SPTBN5: variants seen among roughly 807,000 people sequenced by gnomAD.
The protein encoded by SPTBN5 is spectrin beta chain, non-erythrocytic 5.
A neutral mutation model predicts 477.6 loss-of-function variants in SPTBN5; 513 were observed. The ratio of observed to expected loss-of-function variants is 1.07; its 90% CI spans 1.00 to 1.16. The LOEUF is 1.16. Among genes scored for constraint, SPTBN5 ranks in the 50% most tolerant of loss-of-function variants. SPTBN5 has a pLI of 0.00. For synonymous variants in SPTBN5, 2,169 were observed against 2,011.7 expected (o/e 1.08, Z -2.09); for missense variants, 5,062 against 4,731.8 (o/e 1.07, Z -2.05).
At chr15:41,887,627 G>A (rs2067196767) in intron 5 of SPTBN5, among the ~76,000 whole-genome samples, 186 bp from the exon 6 acceptor site, 1 of 152,210 alleles carries the variant, frequency 6.6e-6, no homozygotes, top group Non-Finnish European at 1.5e-5. Flanking sequence ...AGTTCATTCG[G>A]CACAGGGACC....
In SPTBN5 at chr15:41,888,007, A is replaced by G. The variant is rs1432766312; in HGVS notation, c.580T>C (p.Tyr194His). 2 of 1,600,394 alleles carry G rather than the reference A, an allele frequency of 1.2e-6. No individual in the cohort carries two copies. The highest frequency in any genetic ancestry group is 2.7e-5 in the African/African-American group (2 of 74,876). ...LVWCQRKTAS[Y>H]TNVNITDFSR... ...AAATCTGTAATGTTCACGTTGGTGT[A>G]GCTGGCTGTCTTCCGCTGGCACCAG... The change falls in exon 5 of 68, where the codon TAC becomes CAC. Residue 194 changes from tyrosine to histidine, a missense_variant. By Grantham distance (83) the Tyr-to-His change is moderately conservative. Transcript: ENST00000320955.
intron 66 of SPTBN5, 69 bp downstream of exon 66, chr15:41,850,785 A>G (rs1014831356): frequency 1.5e-6 from 2 of 1,370,936 alleles, no homozygotes; most frequent in Admixed American, 2.4e-5. Context: ...TGCATAAAAC[A>G]CTAGGGGCCC....
intron 7 of SPTBN5, among the ~76,000 whole-genome samples, chr15:41,884,877 C>G (rs753735282): frequency 6.6e-6 from 1 of 152,182 alleles, no homozygotes; most frequent in Non-Finnish European, 1.5e-5. Flanking sequence ...CTGCATTTGC[C>G]GTTTCCTCCG....
At chr15:41,880,574 C>T (rs1475457438) in intron 13 of SPTBN5, among the ~76,000 whole-genome samples, 1 of 152,222 alleles carries the variant, frequency 6.6e-6, no homozygotes, top group Non-Finnish European at 1.5e-5. Flanking sequence ...CTGCTGAAAC[C>T]TCTCAGTGCC....
rs1308694443 is a variant in SPTBN5, at chr15:41,851,738, A to C, written c.10656+41T>G. ...CTTCGAGCCACTCAAGTGCTGCTGCAAGTGGGGAGCTGCCTGGAGAAGGAA... is the reference window on the plus strand; with the variant it reads ...CTTCGAGCCACTCAAGTGCTGCTGCCAGTGGGGAGCTGCCTGGAGAAGGAA... On this transcript the variant is annotated intron_variant, in intron 63 of 67. Coordinates refer to ENST00000320955, the MANE Select transcript of SPTBN5 (RefSeq NM_016642.4). 2.0e-6 allele frequency: 3 copies of C among 1,508,530 alleles called. No individual in the cohort carries two copies. The East Asian group carries it at 6.8e-5, about 34-fold the overall frequency. The allele number at this position is 1,508,530 out of a possible 1,614,324, so 93.4% of individuals were successfully genotyped here.
In SPTBN5 at chr15:41,872,294, G is replaced by A. The variant is rs1595481541; in HGVS notation, c.5165+8C>T. Reference sequence around the variant, plus strand: ...ACCCACTGATGAGAGGGGTTATGGTGTCCTCACCGTGTGGCCGCCAACTCC... The same window carrying A: ...ACCCACTGATGAGAGGGGTTATGGTATCCTCACCGTGTGGCCGCCAACTCC... On this transcript the variant is annotated splice_region_variant and intron_variant, in intron 27 of 67. Coordinates refer to ENST00000320955, the MANE Select transcript of SPTBN5 (RefSeq NM_016642.4). 6.2e-7 allele frequency: 1 copy of A among 1,609,236 alleles called. No homozygotes were observed. Among genetic ancestry groups the A allele is most frequent in the Non-Finnish European group, 8.5e-7 (1 of 1,178,830 alleles).
At chr15:41,880,964 C>T in intron 13 of SPTBN5, 70 bp downstream of exon 13, 1 of 1,380,330 alleles carries the variant, frequency 7.2e-7, no homozygotes, top group South Asian at 1.3e-5. Context: ...GCCTTGTCCC[C>T]TGGGATCACT....
chr15:41,860,970 G>A (rs977706103), intron 46 of SPTBN5, among the ~76,000 whole-genome samples: 1 of 152,392 alleles, frequency 6.6e-6, no homozygotes, highest in African/African-American at 2.4e-5. Flanking sequence ...TCAAGAGCCA[G>A]AATCTCTGAG....
In SPTBN5 at chr15:41,871,535, G is replaced by A; in HGVS notation, c.5302-15C>T. ...GTGCAGAGGTGCTGAGAAGAGGGGA[G>A]TGGGTGACAGGGTAGCCCCCAGCTG... On this transcript the variant is annotated splice_polypyrimidine_tract_variant and intron_variant, in intron 28 of 67. Transcript: ENST00000320955. The A allele has an allele frequency of 2.7e-6, 4 of 1,462,238 alleles. No homozygotes were observed. The highest frequency in any genetic ancestry group is 3.6e-6 in the Non-Finnish European group (4 of 1,100,498). 90.6% of individuals were successfully genotyped at this position (1,462,238 alleles called of 1,614,324 possible). A position where few individuals can be genotyped will look rare whatever the true frequency, so the allele number is the denominator to read the frequency against.
chr15:41,861,697 G>T (rs142713755), intron 45 of SPTBN5, 38 bp downstream of exon 45: 23 of 1,520,646 alleles, frequency 1.5e-5, no homozygotes, highest in African/African-American at 4.1e-5. Context: ...CCCTGTTCGG[G>T]GGGGCAAGAT....
At chr15:41,862,716 C>A (rs1045509017) in intron 42 of SPTBN5, 56 bp from the exon 43 acceptor site, 10 of 1,540,112 alleles carry the variant, frequency 6.5e-6, no homozygotes, top group Non-Finnish European at 7.9e-6. Context: ...GCCACCCAAG[C>A]CCCTCCTCCC....
intron 53 of SPTBN5, 148 bp from the exon 54 acceptor site, chr15:41,855,893 T>C (rs528317754): frequency 2.1e-5 from 17 of 811,160 alleles, no homozygotes; most frequent in East Asian, 1.9e-4. Context: ...AGCAGCCTCA[T>C]CTGGTCCGGA....
chr15:41,886,779 C>T (rs896080825), intron 6 of SPTBN5, among the ~76,000 whole-genome samples: 95 of 152,362 alleles, frequency 6.2e-4, no homozygotes, highest in African/African-American at 2.2e-3. Context: ...AGAGCACTTC[C>T]AGGCCTTAGC....
intron 63 of SPTBN5, 30 bp from the exon 64 acceptor site, chr15:41,851,399 A>G (rs890507): frequency 0.37 from 566,757 of 1,515,532 alleles, 109,624 homozygotes; most frequent in Middle Eastern, 0.54. Context: ...AGGTCGCATG[A>G]GCCACACGCA....
At chr15:41,882,229 C>CCGGG in intron 11 of SPTBN5, 40 bp downstream of exon 11, 118 of 1,263,088 alleles carry the variant, frequency 9.3e-5, no homozygotes, top group Non-Finnish European at 1.2e-4. Flanking sequence ...CCCGCCTCGC[C>CCGGG]GGGCCCCGCC....
Position 41,883,484 on chromosome 15 carries a change from T to C in SPTBN5, c.1523A>G (p.Gln508Arg). The change falls in exon 8 of 68, where the codon CAG (glutamine) becomes CGG (arginine). Residue 508 changes from glutamine (Q) to arginine (R), a missense_variant and splice_region_variant. Physicochemically the swap from Gln to Arg is conservative, Grantham distance 43. Coordinates refer to ENST00000320955, the MANE Select transcript of SPTBN5 (RefSeq NM_016642.4). Reference sequence around the variant, plus strand: ...CTGCCAGCGCACGGTAACTTCCTCCTGCCTAGAGGATATGAGAATAAGGGA... The same window carrying C: ...CTGCCAGCGCACGGTAACTTCCTCCCGCCTAGAGGATATGAGAATAAGGGA... ...YHSWADVARRQEEVTVRWQRL... is the reference protein window; with the variant it reads ...YHSWADVARRREEVTVRWQRL... 1 of 1,613,602 alleles carries C rather than the reference T, an allele frequency of 6.2e-7. No homozygotes were observed. The highest frequency in any genetic ancestry group is 8.5e-7 in the Non-Finnish European group (1 of 1,179,708).
chr15:41,893,505 G>A lies in SPTBN5; in HGVS notation c.-8C>T. On this transcript the variant is annotated 5_prime_UTR_variant, in exon 2 of 68. Coordinates refer to ENST00000320955, the MANE Select transcript of SPTBN5 (RefSeq NM_016642.4). ...GTGGGGCTGACCAGCCATCAGCCCT[G>A]CAGACTTTGGGGATGAGGAGCTGCT... 3 of 1,563,936 alleles carry A rather than the reference G, an allele frequency of 1.9e-6. No homozygotes were observed. The Admixed American group carries it at 5.6e-5, about 29-fold the overall frequency.
At chr15:41,854,719 G>A (rs1567183991) in intron 56 of SPTBN5, 63 bp downstream of exon 56, 1 of 1,394,844 alleles carries the variant, frequency 7.2e-7, no homozygotes, top group Non-Finnish European at 9.6e-7. Flanking sequence ...GGTAAGGAGG[G>A]CTTAGAGGGA....
At chr15:41,873,650 G>A in intron 25 of SPTBN5, 42 bp from the exon 26 acceptor site, 1 of 1,510,410 alleles carries the variant, frequency 6.6e-7, no homozygotes, top group Non-Finnish European at 9.0e-7. Flanking sequence ...ATCTCAGACA[G>A]GACCCTCCGT....
Sources: allele counts gnomAD v4.1 joint callset (sites outside exome capture counted in the v4.1 genomes callset), GRCh38; gene constraint gnomAD v4.1.1; transcripts MANE v1.5; gene names NCBI Gene and HGNC (gene_info 2026-07-23, HGNC 2026-07-21).